NOTCH2NLR: variants seen among roughly 807,000 people sequenced by gnomAD.
The protein encoded by NOTCH2NLR is notch 2 N-terminal like R.
A neutral mutation model predicts 35.6 loss-of-function variants in NOTCH2NLR; 33 were observed. The observed-to-expected ratio is 0.93, with a 90% CI of 0.70 to 1.24. The LOEUF (loss-of-function observed/expected upper bound fraction) is 1.24, where lower values mean the gene tolerates loss of function less well. Among genes scored for constraint, NOTCH2NLR ranks in the 50% most tolerant of loss-of-function variants. The probability of loss-of-function intolerance (pLI) is 0.00; values close to 1 mark genes in which losing one functional copy is unlikely to be tolerated. For missense variants in NOTCH2NLR, 276 were observed against 362.2 expected (o/e 0.76, Z 1.93); for synonymous variants, 103 against 141.0 (o/e 0.73, Z 1.91).
rs1448545490 is a variant in NOTCH2NLR at position 120,724,637 on chromosome 1, C to A, written c.73+387C>A. On this transcript the variant is annotated intron_variant, in intron 1 of 4. Coordinates refer to ENST00000624419, the Ensembl canonical transcript of NOTCH2NLR. ...GACGGCGGGCCTCGGAGGGGCTGAG[C>A]GAAGGAATGCCAGATTCTGGCGTGG... is the stretch of plus-strand genomic sequence containing the variant. Among the ~76,000 whole-genome samples the A allele has an allele frequency of 1.1e-4, 13 of 121,654 alleles. 3 individuals are homozygous for A. Among genetic ancestry groups the A allele is most frequent in the African/African-American group, 1.7e-4 (4 of 23,948 alleles). 79.8% of individuals were successfully genotyped at this position (121,654 alleles called of 152,430 possible).
intron 1 of NOTCH2NLR, 35 bp downstream of exon 1, chr1:120,724,285 C>G: frequency 7.3e-7 from 1 of 1,373,448 alleles, no homozygotes; most frequent in Non-Finnish European, 9.5e-7. Flanking sequence ...GTCCGCGGCG[C>G]CCGGGGCTGC....
intron 1 of NOTCH2NLR, among the ~76,000 whole-genome samples, chr1:120,761,116 G>A (rs1487971189): frequency 2.4e-5 from 3 of 124,616 alleles, no homozygotes; most frequent in African/African-American, 1.1e-4. Flanking sequence ...TGGTTCACTA[G>A]GGCTAGGCTG....
At chr1:120,783,953 G>A (rs1373678347) in intron 2 of NOTCH2NLR, among the ~76,000 whole-genome samples, 3 of 108,320 alleles carry the variant, frequency 2.8e-5, no homozygotes, top group Non-Finnish European at 5.2e-5. Context: ...GAAAGTCATT[G>A]TTTTTAGAAA....
rs1651395660 is a variant in NOTCH2NLR, at chr1:120,784,105, G to A, written c.156-869G>A. On this transcript the variant is annotated intron_variant, in intron 2 of 4. Coordinates refer to ENST00000624419, the Ensembl canonical transcript of NOTCH2NLR. ...GAAACAATAATTTGGAAAGGTAAAT[G>A]GGACCTCATGAAAGTGTGGGTTAAA... Among the ~76,000 whole-genome samples, 4 of 117,822 alleles carry A rather than the reference G, an allele frequency of 3.4e-5. 1 individual carries two copies. Among genetic ancestry groups the A allele is most frequent in the South Asian group, 5.0e-4 (2 of 4,026 alleles). 77.3% of individuals were successfully genotyped at this position (117,822 alleles called of 152,430 possible).
intron 1 of NOTCH2NLR, among the ~76,000 whole-genome samples, chr1:120,727,386 G>A (rs1302112599): frequency 2.6e-5 from 3 of 115,456 alleles, no homozygotes; most frequent in Non-Finnish European, 4.9e-5. Context: ...AGTGTTTAAC[G>A]CTTCTGACTC....
chr1:120,742,341 G>T (rs1428487636), intron 1 of NOTCH2NLR, among the ~76,000 whole-genome samples: 1 of 32,472 alleles, frequency 3.1e-5, no homozygotes, highest in East Asian at 1.2e-3. Flanking sequence ...GTGTGTGTGT[G>T]TGTGTGTGTG....
chr1:120,724,238 G>A lies in NOTCH2NLR; in HGVS notation c.61G>A (p.Ala21Thr), dbSNP rs1650788421. The change falls in exon 1 of 5, where the codon GCC (alanine) becomes ACC (threonine). Residue 21 changes from alanine to threonine, a missense_variant. By Grantham distance (58) the Ala-to-Thr change is moderately conservative. Transcript: ENST00000624419. ...GCTGGCGCTCTGGCTGTGCTGGGCG[G>A]CCCCCGCGCATGGTGAGTATCGGGC... The A allele has an allele frequency of 2.1e-6, 3 of 1,402,596 alleles. 1 individual carries two copies. Among genetic ancestry groups the A allele is most frequent in the Non-Finnish European group, 9.4e-7 (1 of 1,068,854 alleles). The allele number at this position is 1,402,596 out of a possible 1,614,324, so 86.9% of individuals were successfully genotyped here.
chr1:120,728,532 TGC>T lies in NOTCH2NLR; in HGVS notation c.73+4283_73+4284del, dbSNP rs1650840187. On this transcript the variant is annotated intron_variant, in intron 1 of 4. Transcript: ENST00000624419. ...CTTTGGAATCTCACTTCAAAGGCAC[TGC>T]CATCCACCCCCTGCCTCTCACTCAA... Among the ~76,000 whole-genome samples, 4 of 117,262 alleles carry T rather than the reference TGC, an allele frequency of 3.4e-5. 1 individual carries two copies. Among genetic ancestry groups the T allele is most frequent in the Non-Finnish European group, 4.9e-5 (3 of 61,208 alleles). The allele number at this position is 117,262 out of a possible 152,430, so 76.9% of individuals were successfully genotyped here.
intron 3 of NOTCH2NLR, among the ~76,000 whole-genome samples, chr1:120,789,925 C>A (rs1651464735): frequency 1.3e-5 from 1 of 75,176 alleles, no homozygotes; most frequent in Non-Finnish European, 2.3e-5. Context: ...ATTAAAATGT[C>A]ACTCTGAAAT....
At chr1:120,728,880 A>G (rs1331488340) in intron 1 of NOTCH2NLR, among the ~76,000 whole-genome samples, 1 of 109,436 alleles carries the variant, frequency 9.1e-6, no homozygotes, top group East Asian at 2.2e-4. Flanking sequence ...GTGAAATATG[A>G]TGAATAAATA....
At chr1:120,781,800 T>G (rs1293539838) in intron 2 of NOTCH2NLR, among the ~76,000 whole-genome samples, 1 of 117,124 alleles carries the variant, frequency 8.5e-6, no homozygotes, top group Admixed American at 8.3e-5. Context: ...CCTGGTGATC[T>G]GCCTGCCTCG....
Position 120,733,181 on chromosome 1 carries a change from T to C in NOTCH2NLR, c.73+8931T>C, listed in dbSNP as rs1375727524. ...ATATATATATATATGCACACACACATAATATACTATTGTCAACACTAGGTT... is the reference window on the plus strand; with the variant it reads ...ATATATATATATATGCACACACACACAATATACTATTGTCAACACTAGGTT... On this transcript the variant is annotated intron_variant, in intron 1 of 4. Coordinates refer to ENST00000624419, the Ensembl canonical transcript of NOTCH2NLR. Among the ~76,000 whole-genome samples, 3 of 106,642 alleles carry C rather than the reference T, an allele frequency of 2.8e-5. 1 individual carries two copies. The highest frequency in any genetic ancestry group is 1.7e-4 in the African/African-American group (3 of 17,232). 70.0% of individuals were successfully genotyped at this position (106,642 alleles called of 152,430 possible). A position where few individuals can be genotyped will look rare whatever the true frequency, so the allele number is the denominator to read the frequency against.
chr1:120,779,895 C>A (rs1260130324), intron 2 of NOTCH2NLR, among the ~76,000 whole-genome samples: 1 of 119,890 alleles, frequency 8.3e-6, no homozygotes, highest in Non-Finnish European at 1.7e-5. Flanking sequence ...AAACAAGGGT[C>A]TGTTATTTCT....
At chr1:120,763,786 A>G (rs1651158786) in intron 2 of NOTCH2NLR, 77 bp downstream of exon 2, 1 of 625,658 alleles carries the variant, frequency 1.6e-6, no homozygotes, top group Non-Finnish European at 2.8e-6. Flanking sequence ...TCTATTTTTA[A>G]TGCTTCTGTG....
chr1:120,755,890 T>C (rs1651074881), intron 1 of NOTCH2NLR, among the ~76,000 whole-genome samples: 1 of 85,928 alleles, frequency 1.2e-5, no homozygotes, highest in South Asian at 3.3e-4. Context: ...ACATAAATCC[T>C]TGGAACACTA....
chr1:120,768,132 A>G (rs1286772159), intron 2 of NOTCH2NLR, among the ~76,000 whole-genome samples: 1 of 107,078 alleles, frequency 9.3e-6, no homozygotes, highest in Non-Finnish European at 1.7e-5. Context: ...AGGTTTTAGG[A>G]CACGTTAGGG....
intron 1 of NOTCH2NLR, among the ~76,000 whole-genome samples, chr1:120,756,703 C>T (rs2101393945): frequency 8.6e-6 from 1 of 116,486 alleles, no homozygotes; most frequent in South Asian, 2.5e-4. Context: ...GCTTTTAAGC[C>T]AGTGATATGT....
chr1:120,793,534 A>G, intron 4 of NOTCH2NLR, 38 bp downstream of exon 4: 2 of 1,098,382 alleles, frequency 1.8e-6, no homozygotes, highest in South Asian at 2.7e-5. Context: ...TAGGGGACAA[A>G]CCCCTAGCAC....
downstream of NOTCH2NLR, among the ~76,000 whole-genome samples, chr1:120,794,145 CTA>C (rs1246508309): frequency 1.8e-5 from 2 of 114,048 alleles, no homozygotes; most frequent in South Asian, 2.5e-4. Context: ...ATATGAGAGA[CTA>C]TGTGTGGCAC....
Sources: allele counts gnomAD v4.1 joint callset (sites outside exome capture counted in the v4.1 genomes callset), GRCh38; gene constraint gnomAD v4.1.1; transcripts MANE v1.5; gene names NCBI Gene and HGNC (gene_info 2026-07-23, HGNC 2026-07-21).